Variants in EPB41L4A observed in about 807,000 individuals in gnomAD.
The protein encoded by EPB41L4A is erythrocyte membrane protein band 4.1 like 4A, also known as band 4.1-like protein 4A.
EPB41L4A carries 100 observed loss-of-function variants against 108.6 expected under a neutral mutation model. The observed-to-expected ratio is 0.92, with a 90% CI of 0.78 to 1.09. The LOEUF is 1.09. EPB41L4A is among the 50% of genes least tolerant of loss of function. The pLI, the probability that EPB41L4A is intolerant of heterozygous loss-of-function variation, is 0.00. For synonymous variants in EPB41L4A, 319 were observed against 289.0 expected (o/e 1.10, Z -1.05); for missense variants, 1,030 against 842.7 (o/e 1.22, Z -2.75).
intron 1 of EPB41L4A, among the ~76,000 whole-genome samples, chr5:112,403,958 G>T (rs1487771305): frequency 6.6e-6 from 1 of 152,158 alleles, no homozygotes; most frequent in Non-Finnish European, 1.5e-5. Flanking sequence ...CATCAAAAAA[G>T]GAGGAAGAAG....
chr5:112,251,727 T>G (rs1028159039), intron 9 of EPB41L4A, among the ~76,000 whole-genome samples: 1 of 152,136 alleles, frequency 6.6e-6, no homozygotes, highest in Non-Finnish European at 1.5e-5. Context: ...CAAGTTAACC[T>G]TCTACATATT....
upstream of EPB41L4A, chr5:112,419,531 AG>A: frequency 2.4e-6 from 1 of 418,670 alleles, no homozygotes. Flanking sequence ...CGGCCTGCGG[AG>A]TCCCCCGCGG....
intron 9 of EPB41L4A, among the ~76,000 whole-genome samples, chr5:112,257,971 A>C (rs1751226966): frequency 6.6e-6 from 1 of 152,240 alleles, no homozygotes; most frequent in African/African-American, 2.4e-5. Context: ...TGAGATGTCT[A>C]ATCAGGAGCT....
intron 13 of EPB41L4A, among the ~76,000 whole-genome samples, chr5:112,145,217 G>A (rs545855027): frequency 1.3e-5 from 2 of 152,312 alleles, no homozygotes; most frequent in East Asian, 3.9e-4. Context: ...TTGAACCTGG[G>A]AGGTGGAGGT....
At chr5:112,223,042 G>A (rs1459933367) in intron 12 of EPB41L4A, among the ~76,000 whole-genome samples, 5 of 151,458 alleles carry the variant, frequency 3.3e-5, no homozygotes, top group Admixed American at 2.0e-4. Context: ...GGGTTCAAGC[G>A]ATTCTTGTGC....
chr5:112,396,720 T>C (rs574063027), intron 1 of EPB41L4A, among the ~76,000 whole-genome samples: 1 of 151,668 alleles, frequency 6.6e-6, no homozygotes, highest in South Asian at 2.1e-4. Context: ...AGCAAGGTGA[T>C]GAGAGAGAGA....
chr5:112,226,117 A>G (rs560088053), intron 12 of EPB41L4A, among the ~76,000 whole-genome samples: 79 of 152,292 alleles, frequency 5.2e-4, no homozygotes, highest in African/African-American at 1.9e-3. Flanking sequence ...TCCTGCTCTC[A>G]GATTTCTTGT....
At chr5:112,402,103 G>C (rs548522068) in intron 1 of EPB41L4A, among the ~76,000 whole-genome samples, 9 of 152,320 alleles carry the variant, frequency 5.9e-5, no homozygotes, top group Admixed American at 2.0e-4. Context: ...TTGGAGGAGG[G>C]GCCTGGTGGG....
intron 16 of EPB41L4A, among the ~76,000 whole-genome samples, chr5:112,194,960 G>A (rs879370423): frequency 2.0e-5 from 3 of 152,124 alleles, no homozygotes; most frequent in Admixed American, 2.0e-4. Flanking sequence ...GCCGTAAGTC[G>A]GTGGTGGACT....
intron 1 of EPB41L4A, among the ~76,000 whole-genome samples, chr5:112,324,932 C>T (rs964197000): frequency 6.6e-6 from 1 of 152,040 alleles, no homozygotes; most frequent in African/African-American, 2.4e-5. Flanking sequence ...CTACAACAAT[C>T]TTTTTGAAAA....
intron 2 of EPB41L4A, among the ~76,000 whole-genome samples, chr5:112,295,523 T>C (rs1050772161): frequency 6.6e-6 from 1 of 152,206 alleles, no homozygotes; most frequent in Admixed American, 6.5e-5. Flanking sequence ...CCTTTCAAAA[T>C]TCTCCATTCC....
At chr5:112,180,194 GA>G (rs1761075814) in intron 18 of EPB41L4A, among the ~76,000 whole-genome samples, 1 of 152,104 alleles carries the variant, frequency 6.6e-6, no homozygotes, top group South Asian at 2.1e-4. Flanking sequence ...GTCTTTGGGG[GA>G]AGGCAGTAAA....
At position 112,204,431 on chromosome 5, in the gene EPB41L4A, A is replaced by C. The variant is rs1021656222; in HGVS notation, c.1320T>G (p.Arg440=). The change falls in exon 15 of 23, where the codon CGT becomes CGG. Residue 440 remains arginine (R), a synonymous_variant. Coordinates refer to ENST00000261486, the MANE Select transcript of EPB41L4A (RefSeq NM_022140.5). The part of the protein sequence containing the change: ...RTKSPKFPYT[R]RRNPSCGSDN... ...CACTTCCACAGGAGGGGTTTCGGCG[A>C]CGCGTGTAAGGGAACTTTGGCGACT... 1 of 1,613,946 alleles carries C rather than the reference A, an allele frequency of 6.2e-7. No individual in the cohort carries two copies. The highest frequency in any genetic ancestry group is 8.5e-7 in the Non-Finnish European group (1 of 1,179,964).
chr5:112,344,675 G>T (rs1757524883), intron 1 of EPB41L4A, among the ~76,000 whole-genome samples: 1 of 152,254 alleles, frequency 6.6e-6, no homozygotes, highest in African/African-American at 2.4e-5. Context: ...GCTTCTGGGA[G>T]AAGAAATTCT....
chr5:112,284,227 G>A (rs1352371428), intron 2 of EPB41L4A, among the ~76,000 whole-genome samples: 1 of 152,166 alleles, frequency 6.6e-6, no homozygotes, highest in Non-Finnish European at 1.5e-5. Context: ...GGAGCAGAGA[G>A]CTGAGAATCA....
intron 4 of EPB41L4A, among the ~76,000 whole-genome samples, chr5:112,272,436 T>C (rs965836924): frequency 1.3e-5 from 2 of 149,622 alleles, no homozygotes; most frequent in Admixed American, 6.7e-5. Context: ...CCACTGCACC[T>C]GGCCCTAATT....
chr5:112,377,546 A>G (rs1415830696), intron 1 of EPB41L4A, among the ~76,000 whole-genome samples: 1 of 152,134 alleles, frequency 6.6e-6, no homozygotes, highest in African/African-American at 2.4e-5. Flanking sequence ...CAGCTCTACC[A>G]TTTCATCCAT....
At chr5:112,189,540 C>T (rs1561461131) in intron 17 of EPB41L4A, among the ~76,000 whole-genome samples, 1 of 152,104 alleles carries the variant, frequency 6.6e-6, no homozygotes. Flanking sequence ...ATGCAAACAT[C>T]CTAGAATAAA....
intron 2 of EPB41L4A, among the ~76,000 whole-genome samples, chr5:112,285,817 G>A (rs1349727083): frequency 2.6e-5 from 4 of 152,074 alleles, no homozygotes; most frequent in Non-Finnish European, 5.9e-5. Flanking sequence ...TTTGCAATGT[G>A]ACAGGCACTG....
Sources: allele counts gnomAD v4.1 joint callset (sites outside exome capture counted in the v4.1 genomes callset), GRCh38; gene constraint gnomAD v4.1.1; transcripts MANE v1.5; gene names NCBI Gene and HGNC (gene_info 2026-07-23, HGNC 2026-07-21).